Variants in LDAF1 observed in about 807,000 individuals in gnomAD.
LDAF1 encodes PROMETHIN.
A neutral mutation model predicts 13.5 loss-of-function variants in LDAF1; 7 were observed. That is an observed-to-expected ratio of 0.52 (90% confidence interval 0.29 to 0.97). The LOEUF (loss-of-function observed/expected upper bound fraction) is 0.97. LDAF1 is among the 50% of genes least tolerant of loss of function. The pLI is 0.07. For missense variants in LDAF1, 148 were observed against 193.2 expected (o/e 0.77, Z 1.39); for synonymous variants, 69 against 77.1 (o/e 0.89, Z 0.55).
intron 2 of LDAF1, chr16:21,165,568 C>G: frequency 1.0e-6 from 1 of 983,540 alleles, no homozygotes; most frequent in Non-Finnish European, 1.2e-6. Flanking sequence ...CCTCCCCCTT[C>G]TCTTCCCTCT....
At chr16:21,165,720 C>A in intron 2 of LDAF1, 1 of 626,208 alleles carries the variant, frequency 1.6e-6, no homozygotes, top group Non-Finnish European at 2.0e-6. Flanking sequence ...CAAATGACAG[C>A]AGTTTGTTCC....
At chr16:21,159,878 T>G in intron 1 of LDAF1, 3 of 979,678 alleles carry the variant, frequency 3.1e-6, no homozygotes, top group South Asian at 4.7e-5. Context: ...GATGAGATTA[T>G]GGGAACTGAG....
intron 2 of LDAF1, among the ~76,000 whole-genome samples, chr16:21,162,805 T>G (rs754380859): frequency 3.3e-5 from 5 of 152,238 alleles, no homozygotes; most frequent in Non-Finnish European, 7.3e-5. Flanking sequence ...CTCCTGCCTG[T>G]TCCACATTTA....
chr16:21,178,803 CGAGATCT>C (rs1159015009), intron 4 of LDAF1: 1 of 152,616 alleles, frequency 6.6e-6, no homozygotes, highest in East Asian at 1.9e-4. Context: ...GTAGGTCTCA[CGAGATCT>C]GATGGTTTTA....
At chr16:21,168,406 T>C (rs2093046573) in intron 2 of LDAF1, among the ~76,000 whole-genome samples, 1 of 151,886 alleles carries the variant, frequency 6.6e-6, no homozygotes, top group Non-Finnish European at 1.5e-5. Context: ...TAGCTTTTAA[T>C]AGACAAGTGA....
rs1028918362 is a variant in LDAF1 at position 21,168,641 on chromosome 16, CTAATA to C, written c.97-1791_97-1787del. Among the ~76,000 whole-genome samples the C allele has an allele frequency of 3.9e-4, 53 of 136,166 alleles. 1 individual carries two copies. Among genetic ancestry groups the C allele is most frequent in the Middle Eastern group, 8.4e-3 (2 of 238 alleles). The allele number at this position is 136,166 out of a possible 152,430, so 89.3% of individuals were successfully genotyped here. On this transcript the variant is annotated intron_variant, in intron 2 of 4. Coordinates refer to ENST00000233047, the MANE Select transcript of LDAF1 (RefSeq NM_001301771.2). ...GATAACTAATATTAGTATAATATATCTAATATAATTATACAATATTATAATTATGA... is the reference window on the plus strand; with the variant it reads ...GATAACTAATATTAGTATAATATATCTAATTATACAATATTATAATTATGA...
chr16:21,166,087 C>T (rs1843554975), intron 2 of LDAF1, among the ~76,000 whole-genome samples: 1 of 152,026 alleles, frequency 6.6e-6, no homozygotes, highest in African/African-American at 2.4e-5. Flanking sequence ...GTCTTAAGCT[C>T]CAGATCTTAA....
intron 4 of LDAF1, chr16:21,178,094 C>A: frequency 1.7e-6 from 1 of 597,242 alleles, no homozygotes; most frequent in Non-Finnish European, 2.1e-6. Context: ...AAAAAGGAAA[C>A]AAAACTGTAA....
At chr16:21,165,991 C>A (rs1024719903) in intron 2 of LDAF1, among the ~76,000 whole-genome samples, 2 of 151,972 alleles carry the variant, frequency 1.3e-5, no homozygotes, top group African/African-American at 2.4e-5. Context: ...TCCCAAGTAG[C>A]TAGGATTACA....
Position 21,161,294 on chromosome 16 carries a change from C to CT in LDAF1, c.96+17dup, listed in dbSNP as rs2092971392. ...TAACTCAAAGGTCAGTTTCCAATCA[C>CT]TATGTATAATGGAAAATCCCAATAT... On this transcript the variant is annotated intron_variant, in intron 2 of 4. Coordinates refer to ENST00000233047, the MANE Select transcript of LDAF1 (RefSeq NM_001301771.2). The CT allele has an allele frequency of 6.2e-7, 1 of 1,612,404 alleles. No homozygotes were observed. Among genetic ancestry groups the CT allele is most frequent in the Non-Finnish European group, 8.5e-7 (1 of 1,179,524 alleles).
rs747989064 is a variant in LDAF1, at chr16:21,179,538, G to A, written c.468G>A (p.Glu156=). The change falls in exon 5 of 5, where the codon GAG becomes GAA. Residue 156 remains glutamate (E), a synonymous_variant. Transcript: ENST00000233047. ...CAGCCATGAAGTCTGCAGAATTCGA[G>A]GGGCTTTACCAGGAATGAGTGACTG... The part of the protein sequence containing the change: ...FLPAMKSAEF[E]GLYQE 57 of 1,613,992 alleles carry A rather than the reference G, an allele frequency of 3.5e-5. No homozygotes were observed. Among genetic ancestry groups the A allele is most frequent in the Non-Finnish European group, 4.7e-5 (56 of 1,179,986 alleles).
At chr16:21,174,300 C>T in intron 4 of LDAF1, 152 bp downstream of exon 4, 1 of 639,808 alleles carries the variant, frequency 1.6e-6, no homozygotes, top group Non-Finnish European at 2.5e-6. Context: ...AGCAGTTCTC[C>T]TGCTTCAGCC....
chr16:21,162,407 G>A (rs1197165613), intron 2 of LDAF1, among the ~76,000 whole-genome samples: 1 of 151,830 alleles, frequency 6.6e-6, no homozygotes, highest in African/African-American at 2.4e-5. Flanking sequence ...ATAGCGTTAT[G>A]TTTTCTTGCA....
chr16:21,168,171 T>C (rs907346169), intron 2 of LDAF1, among the ~76,000 whole-genome samples: 1 of 151,952 alleles, frequency 6.6e-6, no homozygotes, highest in African/African-American at 2.4e-5. Context: ...CGCGCCACCA[T>C]GCCTGGCTGA....
rs2093163537 is a variant in LDAF1, at chr16:21,179,263, G to A, written c.405-212G>A. The A allele has an allele frequency of 7.5e-6, 5 of 667,104 alleles. 1 individual carries two copies. In the South Asian group the frequency reaches 3.4e-4, roughly 45 times the overall value. 41.3% of individuals were successfully genotyped at this position (667,104 alleles called of 1,614,324 possible). On this transcript the variant is annotated intron_variant, in intron 4 of 4. Transcript: ENST00000233047. ...ATAATAAATATCCAAATTAGAAAAT[G>A]GAAAAGGGGCCGTAACCCTACTCCT... is the stretch of plus-strand genomic sequence containing the variant.
chr16:21,158,932 G>A (rs1158648131), intron 1 of LDAF1, among the ~76,000 whole-genome samples, 186 bp downstream of exon 1: 2 of 151,948 alleles, frequency 1.3e-5, no homozygotes, highest in Non-Finnish European at 2.9e-5. Flanking sequence ...CGCCGGGACG[G>A]GGCTGGGAGC....
intron 4 of LDAF1, among the ~76,000 whole-genome samples, chr16:21,179,140 A>G (rs2093163004): frequency 1.3e-5 from 2 of 152,192 alleles, no homozygotes; most frequent in African/African-American, 4.8e-5. Context: ...GACTTCTCTG[A>G]TTTCAGTTTT....
intron 3 of LDAF1, chr16:21,172,809 A>G: frequency 1.0e-6 from 1 of 985,398 alleles, no homozygotes; most frequent in Non-Finnish European, 1.2e-6. Context: ...AATTTTGCGA[A>G]TCTTTATGAA....
Position 21,174,039 on chromosome 16 carries a change from C to G in LDAF1, c.295C>G (p.Leu99Val), listed in dbSNP as rs751938591. Residue 99 changes from leucine to valine, a missense_variant, in exon 4 of 5, where the codon CTG becomes GTG. Coordinates refer to ENST00000233047, the MANE Select transcript of LDAF1 (RefSeq NM_001301771.2). ...GGTCATCTCTGTGGGTGGCTTCTCA[C>G]TGCTCTGCATCCTCTGTGGTTTGGG... ...GLVISVGGFS[L>V]LCILCGLGFV... The G allele has an allele frequency of 4.3e-5, 70 of 1,613,840 alleles. No homozygotes were observed. Among genetic ancestry groups the G allele is most frequent in the Non-Finnish European group, 5.8e-5 (69 of 1,179,952 alleles).
Sources: allele counts gnomAD v4.1 joint callset (sites outside exome capture counted in the v4.1 genomes callset), GRCh38; gene constraint gnomAD v4.1.1; transcripts MANE v1.5; gene names NCBI Gene and HGNC (gene_info 2026-07-23, HGNC 2026-07-21).